The following LGSN variants were observed in gnomAD, a reference collection of about 807,000 sequenced individuals.
LGSN encodes lengsin, lens protein with glutamine synthetase domain.
In LGSN, 21 loss-of-function variants were observed where a neutral mutation model predicts 19.5. The ratio of observed to expected loss-of-function variants is 1.07; its 90% CI spans 0.76 to 1.55. The LOEUF (loss-of-function observed/expected upper bound fraction) is 1.55, where lower values mean the gene tolerates loss of function less well. LGSN is among the 40% of genes most tolerant of loss of function. LGSN has a pLI of 0.00. For missense variants in LGSN, 673 were observed against 608.5 expected, an observed-to-expected ratio of 1.11 and a Z score of -1.12; for synonymous variants, 257 against 215.6, an observed-to-expected ratio of 1.19 and a Z score of -1.68.
At chr6:63,512,682 T>C in the LGSN span, among the ~76,000 whole-genome samples, 11 of 152,136 alleles carry the variant, frequency 7.2e-5, no homozygotes, top group South Asian at 2.3e-3. Flanking sequence ...CTATCTTCCC[T>C]CAGATAACAT....
At chr6:63,352,252 A>C in the LGSN span, among the ~76,000 whole-genome samples, 2 of 152,246 alleles carry the variant, frequency 1.3e-5, no homozygotes, top group Non-Finnish European at 2.9e-5. Context: ...GAATTTTCCA[A>C]AACTCACATG....
At chr6:63,484,031 G>C in the LGSN span, among the ~76,000 whole-genome samples, 7 of 152,264 alleles carry the variant, frequency 4.6e-5, no homozygotes, top group South Asian at 1.4e-3. Context: ...GCAAGCACCT[G>C]TAGTCCTAGC....
the LGSN span, chr6:63,527,899 C>T: frequency 1.3e-5 from 2 of 152,216 alleles, no homozygotes; most frequent in Non-Finnish European, 2.9e-5. Flanking sequence ...TGCTGGGATT[C>T]TGACCACAAG....
chr6:63,395,900 G>C, the LGSN span: 1 of 154,196 alleles, frequency 6.5e-6, no homozygotes, highest in South Asian at 1.8e-4. Context: ...GGAGGGGAAA[G>C]ATAAAGGATT....
At chr6:63,319,028 T>C (rs939764713) in intron 1 of LGSN, among the ~76,000 whole-genome samples, 1 of 151,932 alleles carries the variant, frequency 6.6e-6, no homozygotes, top group African/African-American at 2.4e-5. Context: ...CCTCAGGGAG[T>C]GCCTTCTTCA....
the LGSN span, among the ~76,000 whole-genome samples, chr6:63,390,715 C>T: frequency 2.0e-5 from 3 of 151,346 alleles, no homozygotes; most frequent in Non-Finnish European, 4.4e-5. Flanking sequence ...AAAAAGTAGC[C>T]GGGCGAGGTG....
chr6:63,528,521 T>A, the LGSN span, among the ~76,000 whole-genome samples: 1 of 152,114 alleles, frequency 6.6e-6, no homozygotes, highest in Non-Finnish European at 1.5e-5. Context: ...GCCCAGGTGT[T>A]CAAGGCCAGC....
At chr6:63,431,041 T>A in the LGSN span, among the ~76,000 whole-genome samples, 2 of 152,186 alleles carry the variant, frequency 1.3e-5, no homozygotes, top group Non-Finnish European at 2.9e-5. Context: ...AATAATACCT[T>A]ACTCTTCTAA....
chr6:63,421,514 G>A, the LGSN span, among the ~76,000 whole-genome samples: 1 of 152,080 alleles, frequency 6.6e-6, no homozygotes, highest in Non-Finnish European at 1.5e-5. Flanking sequence ...CAGATCACCA[G>A]GTCAAGAAAT....
At chr6:63,432,135 AAGAAAG>A in the LGSN span, among the ~76,000 whole-genome samples, 1 of 124,866 alleles carries the variant, frequency 8.0e-6, no homozygotes, top group East Asian at 2.4e-4. Context: ...GAAAGAAAGA[AAGAAAG>A]AAAGAAAGAA....
rs967657282 is a variant in LGSN at position 63,279,979 on chromosome 6, A to G, written c.*42T>C. The G allele has an allele frequency of 6.7e-7, 1 of 1,493,376 alleles. No homozygotes were observed. The highest frequency in any genetic ancestry group is 1.4e-5 in the African/African-American group (1 of 71,176). The allele number at this position is 1,493,376 out of a possible 1,614,324, so 92.5% of individuals were successfully genotyped here. ...TTTTTGTTTTGGTAGATTAGCTTTA[A>G]GTAACAATTACATGTCTAAAGGAGT... On this transcript the variant is annotated 3_prime_UTR_variant, in exon 4 of 4. Coordinates refer to ENST00000370657, the MANE Select transcript of LGSN (RefSeq NM_016571.3).
the LGSN span, chr6:63,481,776 A>G: frequency 3.5e-6 from 1 of 289,474 alleles, no homozygotes; most frequent in Non-Finnish European, 6.8e-6. Flanking sequence ...AACTTCAAAG[A>G]TCATGTTGAA....
At chr6:63,309,355 T>C (rs542704950) in intron 1 of LGSN, among the ~76,000 whole-genome samples, 2 of 151,972 alleles carry the variant, frequency 1.3e-5, no homozygotes, top group South Asian at 2.1e-4. Context: ...TTGCTTGAAT[T>C]TGGGAGGCAG....
At chr6:63,567,585 G>A in the LGSN span, among the ~76,000 whole-genome samples, 2 of 152,184 alleles carry the variant, frequency 1.3e-5, no homozygotes, top group South Asian at 2.1e-4. Context: ...GCACAGCAGA[G>A]TAGATTTAGC....
chr6:63,542,494 A>C, the LGSN span, among the ~76,000 whole-genome samples: 1 of 152,116 alleles, frequency 6.6e-6, no homozygotes, highest in African/African-American at 2.4e-5. Context: ...TGCCTTTCCA[A>C]GTCACAGCAA....
At chr6:63,517,127 C>T in the LGSN span, among the ~76,000 whole-genome samples, 1 of 152,112 alleles carries the variant, frequency 6.6e-6, no homozygotes, top group African/African-American at 2.4e-5. Flanking sequence ...GTGTGCAATA[C>T]ATCATGCTTA....
At chr6:63,504,525 C>A in the LGSN span, among the ~76,000 whole-genome samples, 2 of 152,218 alleles carry the variant, frequency 1.3e-5, no homozygotes, top group South Asian at 4.1e-4. Context: ...CAGGCGTGAG[C>A]CACTGCACCC....
At chr6:63,563,911 T>C in the LGSN span, among the ~76,000 whole-genome samples, 1 of 152,208 alleles carries the variant, frequency 6.6e-6, no homozygotes, top group African/African-American at 2.4e-5. Context: ...AGTAATATGA[T>C]AGTATGCAAA....
chr6:63,460,149 G>A, the LGSN span, among the ~76,000 whole-genome samples: 2 of 122,380 alleles, frequency 1.6e-5, no homozygotes, highest in Admixed American at 9.6e-5. Context: ...TAGTAGAGAC[G>A]GAGTTTCAAC....
Sources: gnomAD v4.1 joint callset for allele counts (sites outside exome capture counted in the v4.1 genomes callset) on GRCh38, gnomAD v4.1.1 for gene constraint, MANE v1.5 for transcripts, NCBI Gene and HGNC (gene_info 2026-07-23, HGNC 2026-07-21) for gene names.